Variants in NPAS3 observed in about 807,000 individuals in gnomAD.
NPAS3 encodes neuronal PAS domain-containing protein 3.
NPAS3 carries 14 observed loss-of-function variants against 73.1 expected under a neutral mutation model. That is an observed-to-expected ratio of 0.19 (90% CI 0.13 to 0.30). The LOEUF (loss-of-function observed/expected upper bound fraction) is 0.30, where lower values mean the gene tolerates loss of function less well. Ranked by LOEUF, NPAS3 falls within the 10% of genes least tolerant of loss-of-function variation. The pLI is 1.00. For missense variants in NPAS3, 1,096 were observed against 1,250.0 expected, an observed-to-expected ratio of 0.88 and a Z score of 1.86; for synonymous variants, 620 against 541.5, an observed-to-expected ratio of 1.14 and a Z score of -2.01.
At position 33,440,467 on chromosome 14, in the gene NPAS3, G is replaced by T. The variant is rs559100695; in HGVS notation, c.468+73199G>T. On this transcript the variant is annotated intron_variant, in intron 4 of 11. Coordinates refer to ENST00000356141, the Ensembl canonical transcript of NPAS3. ...AGGTATTGACCAAAGTATGATTCAG[G>T]GTAATGCCAAATGATTATACCAATT... Among the ~76,000 whole-genome samples, 44 of 152,254 alleles carry T rather than the reference G, an allele frequency of 2.9e-4. No individual in the cohort carries two copies. In the South Asian group the frequency reaches 8.9e-3, roughly 31 times the overall value.
At chr14:33,229,258 T>C (rs567419647) in intron 3 of NPAS3, among the ~76,000 whole-genome samples, 3 of 152,368 alleles carry the variant, frequency 2.0e-5, no homozygotes, top group African/African-American at 7.2e-5. Context: ...TTTTAGTATC[T>C]TCTCTCTGAT....
At chr14:33,799,224 T>C (rs371326972) in intron 11 of NPAS3, among the ~76,000 whole-genome samples, 374 of 152,180 alleles carry the variant, frequency 2.5e-3, no homozygotes, top group African/African-American at 8.4e-3. Flanking sequence ...GAATAACTTA[T>C]GGAATAGAAA....
At position 32,962,569 on chromosome 14, in the gene NPAS3, CTTTTTTTTTTTT is replaced by C. The variant is rs71432096; in HGVS notation, c.50+23212_50+23223del. 4.5e-5 allele frequency among the ~76,000 whole-genome samples: 5 copies of C among 110,652 alleles called. No homozygotes were observed. The East Asian group carries it at 7.0e-4, about 15-fold the overall frequency. 72.6% of individuals were successfully genotyped at this position (110,652 alleles called of 152,430 possible). A position where few individuals can be genotyped will look rare whatever the true frequency, so the allele number is the denominator to read the frequency against. On this transcript the variant is annotated intron_variant, in intron 1 of 11. Coordinates refer to ENST00000356141, the Ensembl canonical transcript of NPAS3. ...TCTTTCTTTCTTTCTTTTTTCTTTT[CTTTTTTTTTTTT>C]TTTTTTTTGAGACTGGGTCTCGCTC...
At chr14:33,020,899 T>G (rs1037105276) in intron 1 of NPAS3, among the ~76,000 whole-genome samples, 4 of 152,172 alleles carry the variant, frequency 2.6e-5, no homozygotes, top group Non-Finnish European at 4.4e-5. Context: ...TAGCTGGGAT[T>G]ACAGGTGCGT....
chr14:33,095,809 C>T (rs909838086), intron 2 of NPAS3, among the ~76,000 whole-genome samples: 105 of 151,574 alleles, frequency 6.9e-4, no homozygotes, highest in African/African-American at 2.4e-3. Flanking sequence ...GCTGGGACTA[C>T]AGGCGCCCAC....
intron 7 of NPAS3, among the ~76,000 whole-genome samples, chr14:33,755,975 G>A (rs1422933262): frequency 6.6e-6 from 1 of 152,058 alleles, no homozygotes; most frequent in Non-Finnish European, 1.5e-5. Flanking sequence ...TCACCCCTGA[G>A]GGAGACCATT....
chr14:33,450,596 T>G (rs140678423), intron 4 of NPAS3, among the ~76,000 whole-genome samples: 4 of 152,370 alleles, frequency 2.6e-5, no homozygotes, highest in Admixed American at 1.3e-4. Flanking sequence ...CATGGAATCT[T>G]TCCTTAAATA....
chr14:32,938,956 A>ACGG (rs2035831538), upstream of NPAS3, among the ~76,000 whole-genome samples: 1 of 144,430 alleles, frequency 6.9e-6, no homozygotes, highest in Non-Finnish European at 1.5e-5. Context: ...CGGCGCATGG[A>ACGG]CGGCGGCGGC....
chr14:33,742,991 T>C (rs1362709404), intron 7 of NPAS3, among the ~76,000 whole-genome samples: 4 of 150,340 alleles, frequency 2.7e-5, no homozygotes, highest in Admixed American at 1.3e-4. Flanking sequence ...TCTAATTCTC[T>C]TGCCATTTCC....
chr14:33,305,729 A>G (rs1005954516), intron 3 of NPAS3, among the ~76,000 whole-genome samples: 1 of 152,208 alleles, frequency 6.6e-6, no homozygotes, highest in African/African-American at 2.4e-5. Context: ...ACCAAAGGTT[A>G]CAGAATCTCA....
intron 3 of NPAS3, among the ~76,000 whole-genome samples, chr14:33,218,899 A>G (rs1411264208): frequency 6.6e-6 from 1 of 152,202 alleles, no homozygotes; most frequent in East Asian, 1.9e-4. Flanking sequence ...CATTGTATAC[A>G]GATTATTACA....
chr14:33,775,561 T>C (rs928616876), intron 8 of NPAS3, among the ~76,000 whole-genome samples: 1 of 152,180 alleles, frequency 6.6e-6, no homozygotes, highest in African/African-American at 2.4e-5. Flanking sequence ...AAACTGCCTA[T>C]CATTTCTGAA....
intron 2 of NPAS3, among the ~76,000 whole-genome samples, chr14:33,078,131 T>A (rs1161837331): frequency 6.6e-6 from 1 of 151,538 alleles, no homozygotes; most frequent in East Asian, 1.9e-4. Context: ...AGAGCAAGAC[T>A]GTTTCCAAAA....
chr14:33,690,205 G>A (rs996195046), intron 6 of NPAS3, among the ~76,000 whole-genome samples: 26 of 151,978 alleles, frequency 1.7e-4, no homozygotes, highest in African/African-American at 2.7e-4. Flanking sequence ...ATGGTGTGGC[G>A]GTACTCGGTA....
rs572732800 is a variant in NPAS3 at position 33,497,634 on chromosome 14, T to C, written c.469-62487T>C. 1.3e-5 allele frequency among the ~76,000 whole-genome samples: 2 copies of C among 152,280 alleles called. 1 individual carries two copies. The highest frequency in any genetic ancestry group is 1.3e-4 in the Admixed American group (2 of 15,300). On this transcript the variant is annotated intron_variant, in intron 4 of 11. Coordinates refer to ENST00000356141, the Ensembl canonical transcript of NPAS3. ...ATATAACAAATGGTGTTGAGAAAAC[T>C]GGCTAGCCATATGCAGAAAACTGAA...
At chr14:33,640,443 T>C (rs1377653862) in intron 5 of NPAS3, among the ~76,000 whole-genome samples, 2 of 152,206 alleles carry the variant, frequency 1.3e-5, no homozygotes, top group Non-Finnish European at 2.9e-5. Context: ...TCTATGGCTA[T>C]AGTTTGAAGA....
chr14:33,216,374 G>C (rs2047225217), intron 3 of NPAS3, among the ~76,000 whole-genome samples: 1 of 152,184 alleles, frequency 6.6e-6, no homozygotes, highest in Non-Finnish European at 1.5e-5. Flanking sequence ...AAGGGTACTA[G>C]TCGGGAGCTG....
intron 1 of NPAS3, among the ~76,000 whole-genome samples, chr14:32,976,914 G>A (rs2037701729): frequency 6.6e-6 from 1 of 152,110 alleles, no homozygotes; most frequent in African/African-American, 2.4e-5. Flanking sequence ...CGGTGACTCA[G>A]TGGCCCAAAA....
intron 3 of NPAS3, among the ~76,000 whole-genome samples, chr14:33,303,132 A>G (rs2042620179): frequency 6.6e-6 from 1 of 152,202 alleles, no homozygotes; most frequent in East Asian, 1.9e-4. Context: ...TTGTCGCCAG[A>G]TATTTTTTTC....
Sources: allele counts gnomAD v4.1 joint callset (sites outside exome capture counted in the v4.1 genomes callset), GRCh38; gene constraint gnomAD v4.1.1; transcripts MANE v1.5; gene names NCBI Gene and HGNC (gene_info 2026-07-23, HGNC 2026-07-21).